The following HDAC9 variants were observed in gnomAD, a reference collection of about 807,000 sequenced individuals.
The protein encoded by HDAC9 is MEF-2 interacting transcription repressor (MITR) protein.
HDAC9 carries 41 observed loss-of-function variants against 139.4 expected under a neutral mutation model. That is an observed-to-expected ratio of 0.29 (90% CI 0.23 to 0.38). The LOEUF (loss-of-function observed/expected upper bound fraction) is 0.38. Among genes scored for constraint, HDAC9 ranks in the 10% least tolerant of loss-of-function variants. HDAC9 has a pLI of 1.00. For missense variants in HDAC9, 1,147 were observed against 1,297.0 expected, an observed-to-expected ratio of 0.88 and a Z score of 1.78; for synonymous variants, 517 against 476.2, an observed-to-expected ratio of 1.09 and a Z score of -1.12.
chr7:18,763,067 G>GT (rs1467725956), intron 15 of HDAC9, among the ~76,000 whole-genome samples: 3 of 152,070 alleles, frequency 2.0e-5, no homozygotes, highest in African/African-American at 7.2e-5. Flanking sequence ...TGTTTTAAAT[G>GT]TTTTAACTAA....
At chr7:18,935,976 A>G in intron 23 of HDAC9, 34 bp downstream of exon 23, 1 of 1,598,360 alleles carries the variant, frequency 6.3e-7, no homozygotes, top group Non-Finnish European at 8.5e-7. Context: ...GGCAGGGGTA[A>G]AGAATCAGGG....
intron 17 of HDAC9, among the ~76,000 whole-genome samples, chr7:18,813,617 G>T (rs748554304): frequency 2.6e-5 from 4 of 152,100 alleles, no homozygotes; most frequent in Non-Finnish European, 5.9e-5. Flanking sequence ...CTGCTGAAAA[G>T]CTACCTAAAT....
intron 1 of HDAC9, among the ~76,000 whole-genome samples, chr7:18,380,516 A>G (rs371955694): frequency 1.3e-5 from 2 of 152,316 alleles, no homozygotes; most frequent in East Asian, 3.9e-4. Context: ...GGTGAAACAG[A>G]AGAGAGTCAT....
chr7:18,970,128 A>T (rs543134198), intron 24 of HDAC9, among the ~76,000 whole-genome samples: 1 of 152,294 alleles, frequency 6.6e-6, no homozygotes, highest in Non-Finnish European at 1.5e-5. Context: ...AGTTTTCAAG[A>T]TTATAGGCAA....
chr7:18,128,872 C>G (rs546901271), intron 1 of HDAC9, among the ~76,000 whole-genome samples: 2 of 152,082 alleles, frequency 1.3e-5, no homozygotes, highest in Non-Finnish European at 2.9e-5. Flanking sequence ...CCCTCCCTCT[C>G]TCATTGCTCA....
At chr7:18,378,312 T>A (rs957246938) in intron 1 of HDAC9, among the ~76,000 whole-genome samples, 1 of 152,122 alleles carries the variant, frequency 6.6e-6, no homozygotes, top group African/African-American at 2.4e-5. Context: ...GAGAGAGTAA[T>A]TAATTTAGTA....
chr7:18,583,338 A>G (rs776772939), intron 2 of HDAC9, among the ~76,000 whole-genome samples: 5 of 152,324 alleles, frequency 3.3e-5, no homozygotes, highest in Admixed American at 6.5e-5. Flanking sequence ...CACATGAAAG[A>G]GTCAAATAAG....
chr7:18,834,378 G>GT, intron 19 of HDAC9, among the ~76,000 whole-genome samples: 1 of 150,644 alleles, frequency 6.6e-6, no homozygotes, highest in Non-Finnish European at 1.5e-5. Flanking sequence ...ATTAATTGAG[G>GT]TGTTTTTTTT....
At chr7:18,911,019 C>T (rs1457729397) in intron 22 of HDAC9, among the ~76,000 whole-genome samples, 1 of 151,712 alleles carries the variant, frequency 6.6e-6, no homozygotes, top group East Asian at 1.9e-4. Context: ...TTTGAGAAGA[C>T]TTGGTGTTAT....
chr7:18,942,543 TTTTG>T (rs1006649223), intron 23 of HDAC9, among the ~76,000 whole-genome samples: 21 of 152,194 alleles, frequency 1.4e-4, no homozygotes, highest in African/African-American at 2.9e-4. Context: ...CAAAACAGCA[TTTTG>T]TTTGTTTGTT....
intron 1 of HDAC9, among the ~76,000 whole-genome samples, chr7:18,322,271 C>A: frequency 6.6e-6 from 1 of 152,216 alleles, no homozygotes; most frequent in Admixed American, 6.5e-5. Flanking sequence ...AATTACTTGG[C>A]CTGTTTCTTT....
intron 11 of HDAC9, among the ~76,000 whole-genome samples, chr7:18,659,296 A>G (rs1182830842): frequency 6.6e-6 from 1 of 152,186 alleles, no homozygotes; most frequent in East Asian, 1.9e-4. Context: ...TAAAGTGCTA[A>G]CATATAAACA....
At chr7:18,559,415 A>T (rs1001152378) in intron 2 of HDAC9, among the ~76,000 whole-genome samples, 2 of 152,114 alleles carry the variant, frequency 1.3e-5, no homozygotes, top group Non-Finnish European at 2.9e-5. Flanking sequence ...CGTATCTCCA[A>T]AACTTCTGGA....
chr7:18,605,335 G>C (rs1455867300), intron 6 of HDAC9, among the ~76,000 whole-genome samples: 1 of 152,084 alleles, frequency 6.6e-6, no homozygotes, highest in Admixed American at 6.5e-5. Flanking sequence ...GTGATCCCTT[G>C]AACTACTTCT....
intron 2 of HDAC9, among the ~76,000 whole-genome samples, chr7:18,207,667 CTT>C (rs1347348579): frequency 6.7e-6 from 1 of 149,316 alleles, no homozygotes; most frequent in Admixed American, 6.7e-5. Flanking sequence ...CACACACACA[CTT>C]ACATACTGTC....
At chr7:18,862,544 A>G (rs1187296430) in intron 21 of HDAC9, among the ~76,000 whole-genome samples, 1 of 152,214 alleles carries the variant, frequency 6.6e-6, no homozygotes, top group African/African-American at 2.4e-5. Context: ...GAGATGGCAC[A>G]CTGTAGAAAT....
intron 2 of HDAC9, among the ~76,000 whole-genome samples, chr7:18,584,209 C>G (rs575164671): frequency 1.5e-5 from 2 of 134,080 alleles, no homozygotes; most frequent in African/African-American, 5.6e-5. Flanking sequence ...AGCGAGATCT[C>G]GGCTCACTGC....
chr7:18,568,978 C>T (rs894221993), intron 2 of HDAC9, among the ~76,000 whole-genome samples: 4 of 151,824 alleles, frequency 2.6e-5, no homozygotes, highest in Non-Finnish European at 4.4e-5. Context: ...ACCCGGGAGG[C>T]GAAAGTTGCA....
At chr7:18,776,817 G>A (rs537226584) in intron 16 of HDAC9, among the ~76,000 whole-genome samples, 1 of 152,058 alleles carries the variant, frequency 6.6e-6, no homozygotes, top group Admixed American at 6.6e-5. Flanking sequence ...AAGCAGAGTG[G>A]TGGGGAAGCA....
Sources: allele counts gnomAD v4.1 joint callset (sites outside exome capture counted in the v4.1 genomes callset), GRCh38; gene constraint gnomAD v4.1.1; transcripts MANE v1.5; gene names NCBI Gene and HGNC (gene_info 2026-07-23, HGNC 2026-07-21).